SYNE1: variants seen among roughly 807,000 people sequenced by gnomAD.
SYNE1 encodes the protein nesprin-1.
SYNE1 carries 616 observed loss-of-function variants against 1,111.0 expected under a neutral mutation model. The ratio of observed to expected loss-of-function variants is 0.55; its 90% CI spans 0.52 to 0.59. The LOEUF is 0.59. SYNE1 is among the 20% of genes least tolerant of loss of function. The pLI is 0.00. For synonymous variants in SYNE1, 3,855 were observed against 3,825.8 expected (o/e 1.01, Z -0.28); for missense variants, 10,006 against 10,417.0 (o/e 0.96, Z 1.72).
At chr6:152,442,626 A>G (rs905874860) in intron 30 of SYNE1, among the ~76,000 whole-genome samples, 2 of 152,190 alleles carry the variant, frequency 1.3e-5, no homozygotes, top group Non-Finnish European at 2.9e-5. Context: ...AAAATTATTT[A>G]TTTTATTAAA....
intron 95 of SYNE1, among the ~76,000 whole-genome samples, chr6:152,292,550 T>A (rs1477287811): frequency 2.0e-5 from 3 of 152,220 alleles, no homozygotes; most frequent in Non-Finnish European, 4.4e-5. Flanking sequence ...TACTGAAAGA[T>A]ATATACTGCA....
chr6:152,536,324 T>C lies in SYNE1; in HGVS notation c.129+3636A>G, dbSNP rs550156930. Among the ~76,000 whole-genome samples, 190 of 142,034 alleles carry C rather than the reference T, an allele frequency of 1.3e-3. 1 individual carries two copies. Among genetic ancestry groups the C allele is most frequent in the Admixed American group, 5.9e-3 (80 of 13,452 alleles). The allele number at this position is 142,034 out of a possible 152,430, so 93.2% of individuals were successfully genotyped here. ...AAATCCAATGTTCTGCGCCAATATATATAGTAATATATATATATAACTATA... is the reference window on the plus strand; with the variant it reads ...AAATCCAATGTTCTGCGCCAATATACATAGTAATATATATATATAACTATA... On this transcript the variant is annotated intron_variant, in intron 4 of 145. Coordinates refer to ENST00000367255, the MANE Select transcript of SYNE1 (RefSeq NM_182961.4).
intron 42 of SYNE1, among the ~76,000 whole-genome samples, chr6:152,413,022 T>C (rs2098091585): frequency 6.6e-6 from 1 of 151,998 alleles, no homozygotes; most frequent in African/African-American, 2.4e-5. Flanking sequence ...CGGCAAATTT[T>C]TGTATTTTTA....
At chr6:152,210,062 C>T (rs1228499535) in intron 124 of SYNE1, among the ~76,000 whole-genome samples, 2 of 152,214 alleles carry the variant, frequency 1.3e-5, no homozygotes, top group African/African-American at 4.8e-5. Flanking sequence ...TTACTTAAAA[C>T]ATGACACTGT....
chr6:152,330,453 A>G lies in SYNE1; in HGVS notation c.14232T>C (p.Gly4744=), dbSNP rs1430310148. The change falls in exon 78 of 146, where the codon GGT becomes GGC. Residue 4744 remains glycine (G), a synonymous_variant. Coordinates refer to ENST00000367255, the MANE Select transcript of SYNE1 (RefSeq NM_182961.4). ...GCATCTTGTCTGGCTGCCAAGGCTG[A>G]CCTGTGCTGCGAAAACCTTCTTTTT... is the stretch of plus-strand genomic sequence containing the variant. The part of the protein sequence containing the change: ...NQKKEGFRST[G]QPWQPDKMLH... 6.2e-7 allele frequency: 1 copy of G among 1,613,880 alleles called. No individual in the cohort carries two copies. Among genetic ancestry groups the G allele is most frequent in the African/African-American group, 1.3e-5 (1 of 74,844 alleles).
chr6:152,573,917 C>T (rs548568997), intron 3 of SYNE1, among the ~76,000 whole-genome samples: 366 of 152,224 alleles, frequency 2.4e-3, no homozygotes, highest in African/African-American at 8.0e-3. Context: ...CAAAGCTCTG[C>T]TTCACCTGTT....
rs754562168 is a variant in SYNE1, at chr6:152,354,736, C to T, written c.10849G>A (p.Ala3617Thr). 6.2e-7 allele frequency: 1 copy of T among 1,614,238 alleles called. No individual in the cohort carries two copies. Among genetic ancestry groups the T allele is most frequent in the Non-Finnish European group, 8.5e-7 (1 of 1,180,050 alleles). The change falls in exon 67 of 146, where the codon GCA (alanine) becomes ACA (threonine). Residue 3617 changes from alanine (A) to threonine (T), a missense_variant. Coordinates refer to ENST00000367255, the MANE Select transcript of SYNE1 (RefSeq NM_182961.4). ...FQQVDEWLKT[A>T]EEKVSPRTRR... ...GTCCTGGGACTAACTTTCTCCTCTG[C>T]TGTTTTGAGCCATTCATCTACTTGC...
intron 117 of SYNE1, among the ~76,000 whole-genome samples, chr6:152,223,549 C>T (rs993439604): frequency 1.3e-5 from 2 of 150,746 alleles, no homozygotes; most frequent in African/African-American, 2.4e-5. Context: ...ACCCGGGAGG[C>T]GGAGGTTGCA....
intron 121 of SYNE1, among the ~76,000 whole-genome samples, chr6:152,217,260 G>C (rs1187534713): frequency 6.6e-6 from 1 of 150,960 alleles, no homozygotes. Context: ...GCCAGGCGTG[G>C]TGGACAGTAC....
intron 98 of SYNE1, among the ~76,000 whole-genome samples, chr6:152,270,800 G>A (rs1487063002): frequency 1.3e-5 from 2 of 152,148 alleles, no homozygotes; most frequent in African/African-American, 4.8e-5. Flanking sequence ...GAAAGTTTTA[G>A]GGAGGCCTAA....
intron 126 of SYNE1, among the ~76,000 whole-genome samples, chr6:152,204,608 C>A (rs1286270228): frequency 6.6e-6 from 1 of 152,026 alleles, no homozygotes; most frequent in African/African-American, 2.4e-5. Context: ...TTCATAAATT[C>A]CTTCTTAGGC....
chr6:152,573,331 C>T (rs1595621036), intron 3 of SYNE1, among the ~76,000 whole-genome samples: 3 of 97,702 alleles, frequency 3.1e-5, no homozygotes, highest in East Asian at 2.7e-4. Context: ...ATCCCCCCCC[C>T]TCCCCCCACC....
At position 152,325,423 on chromosome 6, in the gene SYNE1, G is replaced by C. The variant is rs751256870; in HGVS notation, c.15439-121C>G. 268 of 910,990 alleles carry C rather than the reference G, an allele frequency of 2.9e-4. 1 individual carries two copies. In the Middle Eastern group the frequency reaches 5.3e-3, roughly 18 times the overall value. The allele number at this position is 910,990 out of a possible 1,614,324, so 56.4% of individuals were successfully genotyped here. On this transcript the variant is annotated intron_variant, in intron 80 of 145. Transcript: ENST00000367255. ...TGCAAAAGGAAATGTTTCTACATACGTTTATTCTCCTCTAGGTACTCTTAC... is the reference window on the plus strand; with the variant it reads ...TGCAAAAGGAAATGTTTCTACATACCTTTATTCTCCTCTAGGTACTCTTAC...
At chr6:152,605,029 AGAGAGAGGGAGGGAGG>A (rs1416588330) in intron 3 of SYNE1, among the ~76,000 whole-genome samples, 4 of 52,984 alleles carry the variant, frequency 7.5e-5, no homozygotes, top group African/African-American at 3.2e-4. Context: ...AGAGAGAGAG[AGAGAGAGGGAGGGAGG>A]GAGGGAGGGA....
intron 136 of SYNE1, 74 bp downstream of exon 136, chr6:152,149,403 A>G: frequency 1.3e-6 from 2 of 1,576,500 alleles, no homozygotes; most frequent in Non-Finnish European, 8.7e-7. Flanking sequence ...CTCACCCACT[A>G]TCAATACAAC....
At chr6:152,345,812 T>TA (rs1251116156) in intron 73 of SYNE1, among the ~76,000 whole-genome samples, 1 of 152,186 alleles carries the variant, frequency 6.6e-6, no homozygotes, top group African/African-American at 2.4e-5. Flanking sequence ...AAGTTTTTGT[T>TA]AAAATAGCCA....
At chr6:152,549,501 A>G (rs997186577) in intron 3 of SYNE1, among the ~76,000 whole-genome samples, 1 of 152,174 alleles carries the variant, frequency 6.6e-6, no homozygotes, top group African/African-American at 2.4e-5. Context: ...TCTGTTTTCC[A>G]TAATGAAAAG....
chr6:152,318,903 G>C lies in SYNE1; in HGVS notation c.16349C>G (p.Ala5450Gly), dbSNP rs181649865. The change falls in exon 85 of 146, where the codon GCG becomes GGG. Residue 5450 changes from alanine (A) to glycine (G), a missense_variant. This residue lies in a region of SYNE1 where 4,955 missense variants were observed against 5,017.2 expected (regional missense o/e 0.99). Coordinates refer to ENST00000367255, the MANE Select transcript of SYNE1 (RefSeq NM_182961.4). ...DLTTILTKLK[A>G]KTDNVVQAKT... ...AGCTTGAACTACATTATCTGTCTTCGCTTTCAGCTTAGTTAGAATAGTTGT... is the reference window on the plus strand; with the variant it reads ...AGCTTGAACTACATTATCTGTCTTCCCTTTCAGCTTAGTTAGAATAGTTGT... 6.2e-7 allele frequency: 1 copy of C among 1,614,002 alleles called. No individual in the cohort carries two copies. Among genetic ancestry groups the C allele is most frequent in the South Asian group, 1.1e-5 (1 of 91,076 alleles).
intron 95 of SYNE1, among the ~76,000 whole-genome samples, chr6:152,293,216 G>A (rs2094695914): frequency 6.6e-6 from 1 of 152,204 alleles, no homozygotes; most frequent in Non-Finnish European, 1.5e-5. Flanking sequence ...TCGAGAAAAG[G>A]TAGATTTGGA....
Sources: allele counts gnomAD v4.1 joint callset (sites outside exome capture counted in the v4.1 genomes callset), GRCh38; gene constraint gnomAD v4.1.1; regional missense constraint gnomAD v4.1.1; transcripts MANE v1.5; gene names NCBI Gene and HGNC (gene_info 2026-07-23, HGNC 2026-07-21).